The following SBF2 variants were observed in gnomAD, a reference collection of about 807,000 sequenced individuals.
SBF2 encodes myotubularin-related protein 13.
Under a neutral mutation model 225.2 loss-of-function variants are expected in SBF2, and 112 were observed. The observed-to-expected ratio is 0.50, with a 90% confidence interval of 0.43 to 0.58. The LOEUF is 0.58. Ranked by LOEUF, SBF2 falls within the 20% of genes least tolerant of loss-of-function variation. The probability of loss-of-function intolerance (pLI) is 0.00; values close to 1 mark genes in which losing one functional copy is unlikely to be tolerated. For synonymous variants in SBF2, 763 were observed against 773.3 expected, an observed-to-expected ratio of 0.99 and a Z score of 0.22; for missense variants, 1,996 against 2,206.2, an observed-to-expected ratio of 0.90 and a Z score of 1.91.
At chr11:10,218,438 A>C (rs1958215322) in intron 1 of SBF2, among the ~76,000 whole-genome samples, 1 of 150,962 alleles carries the variant, frequency 6.6e-6, no homozygotes, top group South Asian at 2.1e-4. Context: ...CAAACAATAC[A>C]ATTCCACCCC....
chr11:10,117,440 C>CAAGAA (rs755890336), intron 2 of SBF2, among the ~76,000 whole-genome samples: 2 of 40,904 alleles, frequency 4.9e-5, no homozygotes, highest in Non-Finnish European at 5.9e-5. Context: ...GAATCCAACT[C>CAAGAA]AAAAAAAAAA....
intron 1 of SBF2, among the ~76,000 whole-genome samples, chr11:10,289,888 C>T (rs573109632): frequency 5.9e-4 from 90 of 152,120 alleles, no homozygotes; most frequent in Middle Eastern, 3.4e-3. Flanking sequence ...GGGGAGGCTC[C>T]GGGCCTGAGG....
At chr11:10,110,431 A>C (rs1207033739) in intron 2 of SBF2, among the ~76,000 whole-genome samples, 1 of 152,170 alleles carries the variant, frequency 6.6e-6, no homozygotes. Context: ...CATTATTTGC[A>C]AATTAAAGAG....
At chr11:10,272,669 G>C (rs964710162) in intron 1 of SBF2, among the ~76,000 whole-genome samples, 1 of 151,972 alleles carries the variant, frequency 6.6e-6, no homozygotes. Context: ...CTACTTGGAA[G>C]GCTGAGATTG....
chr11:9,825,109 C>T (rs1470931524), intron 28 of SBF2, among the ~76,000 whole-genome samples: 1 of 152,030 alleles, frequency 6.6e-6, no homozygotes, highest in Non-Finnish European at 1.5e-5. Context: ...AATCCCAACC[C>T]CCAGTGCCTC....
intron 17 of SBF2, among the ~76,000 whole-genome samples, chr11:9,866,436 C>G (rs140180219): frequency 9.7e-4 from 147 of 152,254 alleles, no homozygotes; most frequent in African/African-American, 3.4e-3. Flanking sequence ...TATGCATAGC[C>G]AACTGATTTT....
At position 10,152,871 on chromosome 11, in the gene SBF2, A is replaced by G. The variant is rs76130421; in HGVS notation, c.141+41031T>C. Among the ~76,000 whole-genome samples the G allele has an allele frequency of 7.3e-3, 1,115 of 152,310 alleles. 7 individuals are homozygous for G. The highest frequency in any genetic ancestry group is 9.7e-3 in the Non-Finnish European group (659 of 68,018). Reference sequence around the variant, plus strand: ...GTGAGAGAAGGGGAATTCAAAGAGAAAGGAATAGCTTGATCAAAGGCACAG... The same window carrying G: ...GTGAGAGAAGGGGAATTCAAAGAGAGAGGAATAGCTTGATCAAAGGCACAG... On this transcript the variant is annotated intron_variant, in intron 2 of 39. Transcript: ENST00000256190.
chr11:10,200,510 A>T (rs1253260160), intron 1 of SBF2, among the ~76,000 whole-genome samples: 1 of 152,218 alleles, frequency 6.6e-6, no homozygotes, highest in Non-Finnish European at 1.5e-5. Flanking sequence ...TACTGGAGTT[A>T]CTTTTGAATG....
chr11:10,235,404 G>A lies in SBF2; in HGVS notation c.56-41417C>T, dbSNP rs373554123. On this transcript the variant is annotated intron_variant, in intron 1 of 39. Transcript: ENST00000256190. Reference sequence around the variant, plus strand: ...ACAAAATTAGCCGTGATGCACGCCTGCAATCCTAGCTACTGAAGAGGCTGA... The same window carrying A: ...ACAAAATTAGCCGTGATGCACGCCTACAATCCTAGCTACTGAAGAGGCTGA... Among the ~76,000 whole-genome samples, 15 of 152,172 alleles carry A rather than the reference G, an allele frequency of 9.9e-5. No homozygotes were observed. The South Asian group carries it at 1.7e-3, about 17-fold the overall frequency.
At chr11:9,944,133 A>C (rs1049181137) in intron 16 of SBF2, among the ~76,000 whole-genome samples, 5 of 152,252 alleles carry the variant, frequency 3.3e-5, no homozygotes, top group Non-Finnish European at 7.3e-5. Flanking sequence ...TCCAATCACA[A>C]GAAGGTCAAA....
At chr11:10,228,768 G>A (rs1958689709) in intron 1 of SBF2, among the ~76,000 whole-genome samples, 1 of 152,144 alleles carries the variant, frequency 6.6e-6, no homozygotes, top group South Asian at 2.1e-4. Context: ...CAAGGATATT[G>A]GTCTAAAATT....
At chr11:10,063,742 A>G (rs770730281) in intron 2 of SBF2, among the ~76,000 whole-genome samples, 1 of 152,062 alleles carries the variant, frequency 6.6e-6, no homozygotes, top group Non-Finnish European at 1.5e-5. Flanking sequence ...ATAAAAGACA[A>G]ATCAAATGAT....
chr11:10,214,066 C>A (rs1395265660), intron 1 of SBF2, among the ~76,000 whole-genome samples: 2 of 152,168 alleles, frequency 1.3e-5, no homozygotes, highest in African/African-American at 4.8e-5. Flanking sequence ...AAATTTAGCC[C>A]TGCAGTTTAA....
At chr11:10,256,927 G>C (rs779464466) in intron 1 of SBF2, among the ~76,000 whole-genome samples, 1 of 152,170 alleles carries the variant, frequency 6.6e-6, no homozygotes, top group Non-Finnish European at 1.5e-5. Context: ...CTATTCAGAT[G>C]AAAGATAATT....
chr11:10,139,132 G>C (rs1450180493), intron 2 of SBF2, among the ~76,000 whole-genome samples: 1 of 152,120 alleles, frequency 6.6e-6, no homozygotes, highest in African/African-American at 2.4e-5. Context: ...AATTTCATTT[G>C]GGAAGGAGTG....
At chr11:10,300,203 C>G (rs1964581462) in intron 1 of SBF2, among the ~76,000 whole-genome samples, 1 of 152,202 alleles carries the variant, frequency 6.6e-6, no homozygotes. Flanking sequence ...TTGTTTATAT[C>G]TGGCTACGTC....
chr11:10,054,169 A>G (rs1452734825), intron 2 of SBF2, among the ~76,000 whole-genome samples: 2 of 152,226 alleles, frequency 1.3e-5, no homozygotes, highest in Non-Finnish European at 2.9e-5. Flanking sequence ...AAAAATTTAC[A>G]TCCAGATATT....
chr11:10,030,969 C>G (rs1412242699), intron 4 of SBF2, 79 bp downstream of exon 4: 51 of 1,231,628 alleles, frequency 4.1e-5, no homozygotes, highest in Non-Finnish European at 5.5e-5. Flanking sequence ...TATTTTCAAT[C>G]CAAAGAACTT....
chr11:9,863,002 T>C (rs1023589334), intron 17 of SBF2, among the ~76,000 whole-genome samples: 8 of 152,216 alleles, frequency 5.3e-5, no homozygotes, highest in African/African-American at 7.2e-5. Flanking sequence ...ATAATAATTT[T>C]TAAGATTCTG....
Sources: gnomAD v4.1 joint callset for allele counts (sites outside exome capture counted in the v4.1 genomes callset) on GRCh38, gnomAD v4.1.1 for gene constraint, MANE v1.5 for transcripts, NCBI Gene and HGNC (gene_info 2026-07-23, HGNC 2026-07-21) for gene names.